The following CLDN11 variants were observed in gnomAD, a reference collection of about 807,000 sequenced individuals.
CLDN11 encodes the protein claudin-11.
Under a neutral mutation model 18.0 loss-of-function variants are expected in CLDN11, and 1 was observed. The ratio of observed to expected loss-of-function variants is 0.06; its 90% CI spans 0.02 to 0.26. CLDN11 has a LOEUF of 0.26. CLDN11 is among the 10% of genes least tolerant of loss of function. The probability of loss-of-function intolerance (pLI) is 1.00; values close to 1 mark genes in which losing one functional copy is unlikely to be tolerated. For missense variants in CLDN11, 172 were observed against 276.6 expected (o/e 0.62, Z 2.68); for synonymous variants, 116 against 121.5 (o/e 0.96, Z 0.30).
chr3:170,419,242 C>T lies in CLDN11; in HGVS notation c.176C>T (p.Ala59Val). The T allele has an allele frequency of 6.3e-7, 1 of 1,576,350 alleles. No homozygotes were observed. Among genetic ancestry groups the T allele is most frequent in the Non-Finnish European group, 8.6e-7 (1 of 1,161,372 alleles). The change falls in exon 1 of 3, where the codon GCC becomes GTC. Residue 59 changes from alanine (A) to valine (V), a missense_variant. By Grantham distance (64) the Ala-to-Val change is moderately conservative. Around this residue, in one of 3 missense-constraint regions of CLDN11, gnomAD observed 161 missense variants for 240.3 expected, o/e 0.67. Transcript: ENST00000064724. The surrounding 1 kb of genome is among the most constrained non-coding windows in gnomAD (Gnocchi z 8.6). ...SKGLWADCVM[A>V]TGLYHCKPLV... Reference sequence around the variant, plus strand: ...GGGCTGTGGGCCGACTGCGTCATGGCCACGGGGCTGTACCACTGCAAGCCC... The same window carrying T: ...GGGCTGTGGGCCGACTGCGTCATGGTCACGGGGCTGTACCACTGCAAGCCC...
intron 2 of CLDN11, among the ~76,000 whole-genome samples, chr3:170,427,712 G>A (rs918211348): frequency 6.6e-6 from 1 of 152,004 alleles, no homozygotes; most frequent in Non-Finnish European, 1.5e-5. Flanking sequence ...AGGAGGCTGA[G>A]GCACGAGGAT....
chr3:170,432,864 A>G lies in CLDN11; in HGVS notation c.*108A>G, dbSNP rs574147183. ...CATTCCTCTGCCAGGCTCTAAAGCC[A>G]AAGGTCTAGAAAAGCATCCTGTCTG... On this transcript the variant is annotated 3_prime_UTR_variant, in exon 3 of 3. Transcript: ENST00000064724. 22 of 1,020,580 alleles carry G rather than the reference A, an allele frequency of 2.2e-5. No individual in the cohort carries two copies. The East Asian group carries it at 2.8e-4, about 13-fold the overall frequency. 63.2% of individuals were successfully genotyped at this position (1,020,580 alleles called of 1,614,324 possible).
In CLDN11 at chr3:170,423,227, A is replaced by G. The variant is rs767807966; in HGVS notation, c.291A>G (p.Leu97=). ...AASVLGLPAI[L]LLLTVLPCIR... is the part of the protein sequence containing the mutation. Reference sequence around the variant, plus strand: ...CGGTCCTGGGTCTGCCGGCCATTTTACTGCTGCTGACTGTTCTTCCCTGCA... The same window carrying G: ...CGGTCCTGGGTCTGCCGGCCATTTTGCTGCTGCTGACTGTTCTTCCCTGCA... The change falls in exon 2 of 3, where the codon TTA becomes TTG. Residue 97 remains leucine, a synonymous_variant. Transcript: ENST00000064724. 2.5e-6 allele frequency: 4 copies of G among 1,613,978 alleles called. No individual in the cohort carries two copies. Among genetic ancestry groups the G allele is most frequent in the East Asian group, 4.5e-5 (2 of 44,892 alleles).
At chr3:170,431,394 T>C (rs17531719) in intron 2 of CLDN11, among the ~76,000 whole-genome samples, 4,373 of 152,324 alleles carry the variant, frequency 0.029, 104 homozygotes, top group South Asian at 0.14. Context: ...AACTTTAATG[T>C]GCCATCTCAA....
At chr3:170,432,393 A>C in intron 2 of CLDN11, 131 bp from the exon 3 acceptor site, 2 of 1,481,670 alleles carry the variant, frequency 1.3e-6, no homozygotes, top group Non-Finnish European at 1.8e-6. Context: ...TTGAGGGAGC[A>C]GAACTGTGTG....
intron 1 of CLDN11, among the ~76,000 whole-genome samples, chr3:170,420,497 C>CTAGT (rs1404995036): frequency 6.6e-6 from 1 of 152,196 alleles, no homozygotes; most frequent in Non-Finnish European, 1.5e-5. Flanking sequence ...TCCTTGCTGC[C>CTAGT]TAGTACTTGG....
intron 2 of CLDN11, among the ~76,000 whole-genome samples, chr3:170,431,235 A>G (rs1443395041): frequency 1.3e-5 from 2 of 152,218 alleles, no homozygotes; most frequent in Admixed American, 1.3e-4. Context: ...ACTTACTATG[A>G]GTAGAAATCA....
In CLDN11 at chr3:170,433,767, C is replaced by G. The variant is rs2108250082; in HGVS notation, c.*1011C>G. 6.5e-6 allele frequency: 1 copy of G among 152,704 alleles called. No homozygotes were observed. The highest frequency in any genetic ancestry group is 1.5e-5 in the Non-Finnish European group (1 of 68,016). 9.5% of individuals were successfully genotyped at this position (152,704 alleles called of 1,614,324 possible). On this transcript the variant is annotated 3_prime_UTR_variant, in exon 3 of 3. Coordinates refer to ENST00000064724, the MANE Select transcript of CLDN11 (RefSeq NM_005602.6). The stretch of plus-strand genomic sequence containing the variant: ...GGAAATGAACCACATAGACTTTATG[C>G]AATAAATAACAGTGCAAGTGAGTAT...
In CLDN11 at chr3:170,425,707, G is replaced by A. The variant is rs1009013234; in HGVS notation, c.391+2380G>A. On this transcript the variant is annotated intron_variant, in intron 2 of 2. Transcript: ENST00000064724. ...GGACCTGACCCCACCCAAGGAGGCTGCCCATTTCCGGACACTCACCAGAGT... is the reference window on the plus strand; with the variant it reads ...GGACCTGACCCCACCCAAGGAGGCTACCCATTTCCGGACACTCACCAGAGT... Among the ~76,000 whole-genome samples, 13 of 152,150 alleles carry A rather than the reference G, an allele frequency of 8.5e-5. No individual in the cohort carries two copies. The East Asian group carries it at 9.6e-4, about 11-fold the overall frequency.
rs1481091090 is a variant in CLDN11 at position 170,419,367 on chromosome 3, C to G, written c.226+75C>G. 3.2e-5 allele frequency: 36 copies of G among 1,125,998 alleles called. No individual in the cohort carries two copies. The highest frequency in any genetic ancestry group is 4.4e-5 in the Non-Finnish European group (35 of 792,522). The allele number at this position is 1,125,998 out of a possible 1,614,324, so 69.8% of individuals were successfully genotyped here. On this transcript the variant is annotated intron_variant, in intron 1 of 2. Transcript: ENST00000064724. This position sits in a 1 kb window ranked among gnomAD's most constrained non-coding sequence, Gnocchi z 8.6. The stretch of plus-strand genomic sequence containing the variant: ...GAGAGCGGGATATTAGACGGCGTCA[C>G]AGAGACATTTTGGGGGCTTGAAGAC...
chr3:170,424,776 A>G (rs1738805849), intron 2 of CLDN11, among the ~76,000 whole-genome samples: 1 of 152,190 alleles, frequency 6.6e-6, no homozygotes, highest in African/African-American at 2.4e-5. Flanking sequence ...GTGTGGGTTG[A>G]TGCCACTTGG....
chr3:170,428,826 TATAAAA>T (rs1210177601), intron 2 of CLDN11, among the ~76,000 whole-genome samples: 1 of 152,244 alleles, frequency 6.6e-6, no homozygotes, highest in Non-Finnish European at 1.5e-5. Context: ...ACTCTGATGA[TATAAAA>T]AGAAAAAGAA....
intron 1 of CLDN11, chr3:170,421,341 A>C: frequency 1.0e-6 from 1 of 980,316 alleles, no homozygotes; most frequent in Non-Finnish European, 1.2e-6. Context: ...GCTTTGTGTG[A>C]GTACTGGCTC....
intron 1 of CLDN11, among the ~76,000 whole-genome samples, chr3:170,422,549 A>G (rs1577468504): frequency 6.6e-6 from 1 of 152,122 alleles, no homozygotes; most frequent in South Asian, 2.1e-4. Context: ...AGCCTCCCCA[A>G]GTAGCTGGGA....
chr3:170,423,626 C>T (rs73163839), intron 2 of CLDN11: 11,422 of 357,264 alleles, frequency 0.032, 439 homozygotes, highest in South Asian at 0.14. Flanking sequence ...TCAGTCTTCA[C>T]AGTGGAATCC....
In CLDN11 at chr3:170,433,017, C is replaced by A; in HGVS notation, c.*261C>A. The A allele has an allele frequency of 2.7e-5, 7 of 263,982 alleles. No homozygotes were observed. Among genetic ancestry groups the A allele is most frequent in the Middle Eastern group, 1.3e-3 (1 of 758 alleles). The allele number at this position is 263,982 out of a possible 1,614,324, so 16.4% of individuals were successfully genotyped here. On this transcript the variant is annotated 3_prime_UTR_variant, in exon 3 of 3. Transcript: ENST00000064724. ...TGCCCCTATTAGCTCTTTTCTTGGG[C>A]ATTCTTTTGCTGTTTATTAAAAATA...
rs979337129 is a variant in CLDN11, at chr3:170,433,540, A to G, written c.*784A>G. ...ATTTACTTGTACGAGACAGAAAAAG[A>G]TAGCATTGGGGACATGGGATGGGGG... On this transcript the variant is annotated 3_prime_UTR_variant, in exon 3 of 3. Transcript: ENST00000064724. 18 of 152,652 alleles carry G rather than the reference A, an allele frequency of 1.2e-4. No homozygotes were observed. In the East Asian group the frequency reaches 3.1e-3, roughly 26 times the overall value. The allele number at this position is 152,652 out of a possible 1,614,324, so 9.5% of individuals were successfully genotyped here. A position where few individuals can be genotyped will look rare whatever the true frequency, so the allele number is the denominator to read the frequency against.
intron 1 of CLDN11, chr3:170,421,308 C>A: frequency 1.0e-6 from 1 of 985,842 alleles, no homozygotes; most frequent in Non-Finnish European, 1.2e-6. Context: ...GATTTCAGAA[C>A]CTGCATTGCC....
chr3:170,429,635 A>T (rs935701706), intron 2 of CLDN11, among the ~76,000 whole-genome samples: 3 of 152,206 alleles, frequency 2.0e-5, no homozygotes, highest in Non-Finnish European at 4.4e-5. Flanking sequence ...ATAAAACCTA[A>T]CAAAATCCCT....
Sources: gnomAD v4.1 joint callset for allele counts (sites outside exome capture counted in the v4.1 genomes callset) on GRCh38, gnomAD v4.1.1 for gene constraint, gnomAD v4.1.1 regional missense constraint, Gnocchi (gnomAD v3.1) non-coding constraint, MANE v1.5 for transcripts, NCBI Gene and HGNC (gene_info 2026-07-23, HGNC 2026-07-21) for gene names.